Variants in NCAM1 observed in about 807,000 individuals in gnomAD.
The protein encoded by NCAM1 is antigen recognized by monoclonal antibody 5.1H11.
NCAM1 carries 14 observed loss-of-function variants against 109.8 expected under a neutral mutation model. The ratio of observed to expected loss-of-function variants is 0.13; its 90% CI spans 0.08 to 0.20. The LOEUF is 0.20. NCAM1 is among the 10% of genes least tolerant of loss of function. The probability of loss-of-function intolerance (pLI) is 1.00; values close to 1 mark genes in which losing one functional copy is unlikely to be tolerated. For missense variants in NCAM1, 774 were observed against 1,109.9 expected (o/e 0.70, Z 4.30); for synonymous variants, 418 against 442.9 (o/e 0.94, Z 0.70).
intron 17 of NCAM1, chr11:113,265,340 G>A (rs543868992): frequency 1.1e-5 from 3 of 261,824 alleles, no homozygotes; most frequent in South Asian, 2.8e-4. Context: ...TCTTCCTAAC[G>A]GGGAGCAATC....
chr11:113,176,344 C>T (rs1232982790), intron 1 of NCAM1, among the ~76,000 whole-genome samples: 1 of 152,144 alleles, frequency 6.6e-6, no homozygotes, highest in African/African-American at 2.4e-5. Flanking sequence ...GTAAAGATGG[C>T]TTATGTTACT....
At chr11:113,108,151 A>AT (rs1165652410) in intron 1 of NCAM1, among the ~76,000 whole-genome samples, 2 of 151,972 alleles carry the variant, frequency 1.3e-5, no homozygotes, top group South Asian at 2.1e-4. Flanking sequence ...GGCTTGAGGA[A>AT]TTTTTTTTAT....
chr11:112,968,706 A>C (rs1415090660), intron 1 of NCAM1, among the ~76,000 whole-genome samples: 2 of 152,220 alleles, frequency 1.3e-5, no homozygotes, highest in African/African-American at 4.8e-5. Context: ...TTCAAGTCTA[A>C]GAAAAACCCA....
intron 1 of NCAM1, among the ~76,000 whole-genome samples, chr11:113,111,879 G>C (rs1940460393): frequency 6.6e-6 from 1 of 152,132 alleles, no homozygotes; most frequent in African/African-American, 2.4e-5. Context: ...AAATGAGCAT[G>C]ATTATTTGAA....
intron 5 of NCAM1, 62 bp from the exon 6 acceptor site, chr11:113,207,199 T>C (rs1555112978): frequency 5.1e-6 from 7 of 1,366,220 alleles, no homozygotes; most frequent in Non-Finnish European, 7.3e-6. Flanking sequence ...GTGTCTCTTC[T>C]CCAGGCCATT....
At chr11:113,241,264 G>T (rs1945317518) in intron 14 of NCAM1, among the ~76,000 whole-genome samples, 1 of 152,210 alleles carries the variant, frequency 6.6e-6, no homozygotes, top group Non-Finnish European at 1.5e-5. Context: ...GTTGGATACA[G>T]ACATTGAAAT....
intron 1 of NCAM1, among the ~76,000 whole-genome samples, chr11:113,177,045 T>C (rs1943173941): frequency 6.6e-6 from 1 of 152,242 alleles, no homozygotes; most frequent in Admixed American, 6.5e-5. Flanking sequence ...AACTCCTCCA[T>C]AGACTTTCTT....
intron 1 of NCAM1, among the ~76,000 whole-genome samples, chr11:113,015,119 T>C (rs1319918719): frequency 6.6e-6 from 1 of 152,250 alleles, no homozygotes; most frequent in Non-Finnish European, 1.5e-5. Flanking sequence ...TTACTCCCTC[T>C]TATCCTTACA....
At chr11:113,234,313 C>G (rs1296143736) in intron 13 of NCAM1, among the ~76,000 whole-genome samples, 3 of 150,570 alleles carry the variant, frequency 2.0e-5, no homozygotes, top group Non-Finnish European at 2.9e-5. Flanking sequence ...ATATACATAA[C>G]ATACATTTTA....
At position 113,157,913 on chromosome 11, in the gene NCAM1, T is replaced by C. The variant is rs546838472; in HGVS notation, c.53-44466T>C. ...AAGAAAATCCAGCCTCACACAGATATGTAGGGAGGAATATTTTAATAGCCG... is the reference window on the plus strand; with the variant it reads ...AAGAAAATCCAGCCTCACACAGATACGTAGGGAGGAATATTTTAATAGCCG... On this transcript the variant is annotated intron_variant, in intron 1 of 19. Transcript: ENST00000316851. Among the ~76,000 whole-genome samples the C allele has an allele frequency of 1.1e-3, 169 of 152,200 alleles. 1 individual carries two copies. Among genetic ancestry groups the C allele is most frequent in the South Asian group, 8.7e-3 (42 of 4,816 alleles).
At chr11:113,169,609 CTT>C (rs1241196778) in intron 1 of NCAM1, among the ~76,000 whole-genome samples, 1 of 142,980 alleles carries the variant, frequency 7.0e-6, no homozygotes, top group Non-Finnish European at 1.5e-5. Context: ...GGATGGGAGA[CTT>C]TTCAGAGTTG....
In NCAM1 at chr11:112,980,755, A is replaced by G. The variant is rs925524976; in HGVS notation, c.52+19091A>G. 3.3e-5 allele frequency among the ~76,000 whole-genome samples: 5 copies of G among 151,908 alleles called. No homozygotes were observed. The South Asian group carries it at 6.2e-4, about 19-fold the overall frequency. ...ACCCAATATGTAGTCTTTTATCCCT[A>G]TGAAGGTTTATTTTAATCCTAGCAC... On this transcript the variant is annotated intron_variant, in intron 1 of 19. Transcript: ENST00000316851.
chr11:113,145,701 C>T (rs10891514), intron 1 of NCAM1, among the ~76,000 whole-genome samples: 18,621 of 152,088 alleles, frequency 0.12, 1,256 homozygotes, highest in East Asian at 0.26. Flanking sequence ...ATGTGTGTGT[C>T]AATTGAGGTC....
chr11:113,233,106 A>C lies in NCAM1; in HGVS notation c.1523-41A>C. The stretch of plus-strand genomic sequence containing the variant: ...ACTGAGAGTTAATGGTCTTGGGCCA[A>C]ACTGGGCTCACCTGAGTCTCCATAT... On this transcript the variant is annotated intron_variant, in intron 12 of 19. Transcript: ENST00000316851. This position sits in a 1 kb window ranked among gnomAD's most constrained non-coding sequence, Gnocchi z 4.5. The C allele has an allele frequency of 6.3e-7, 1 of 1,588,916 alleles. No individual in the cohort carries two copies. Among genetic ancestry groups the C allele is most frequent in the Non-Finnish European group, 8.6e-7 (1 of 1,166,794 alleles).
At chr11:113,185,068 T>TTATATTTATATATATATATATA (rs1555108652) in intron 1 of NCAM1, among the ~76,000 whole-genome samples, 5 of 99,660 alleles carry the variant, frequency 5.0e-5, no homozygotes, top group African/African-American at 2.1e-4. Flanking sequence ...GCATTTATAT[T>TTATATTTATATATATATATATA]TATATATATA....
intron 1 of NCAM1, among the ~76,000 whole-genome samples, chr11:113,178,841 C>T (rs1445960380): frequency 1.3e-5 from 2 of 152,170 alleles, no homozygotes; most frequent in East Asian, 1.9e-4. Flanking sequence ...GGCCAACATT[C>T]GAAGAGTCCG....
rs185582107 is a variant in NCAM1 at position 113,095,427 on chromosome 11, T to C, written c.53-106952T>C. Among the ~76,000 whole-genome samples the C allele has an allele frequency of 2.8e-4, 43 of 152,320 alleles. 1 individual carries two copies. Among genetic ancestry groups the C allele is most frequent in the Admixed American group, 2.7e-3 (41 of 15,300 alleles). ...TCGATAATCAGTGGTTAATCAGTGCTGAGCAAATGAATAGCTACACAGTCC... is the reference window on the plus strand; with the variant it reads ...TCGATAATCAGTGGTTAATCAGTGCCGAGCAAATGAATAGCTACACAGTCC... On this transcript the variant is annotated intron_variant, in intron 1 of 19. Transcript: ENST00000316851.
rs1420010128 is a variant in NCAM1 at position 113,207,442 on chromosome 11, T to C, written c.746+64T>C. 9.1e-6 allele frequency: 12 copies of C among 1,322,126 alleles called. No individual in the cohort carries two copies. The East Asian group carries it at 2.8e-4, about 31-fold the overall frequency. The allele number at this position is 1,322,126 out of a possible 1,614,324, so 81.9% of individuals were successfully genotyped here. A position where few individuals can be genotyped will look rare whatever the true frequency, so the allele number is the denominator to read the frequency against. On this transcript the variant is annotated intron_variant, in intron 6 of 19. Coordinates refer to ENST00000316851, the MANE Select transcript of NCAM1 (RefSeq NM_181351.5). Reference sequence around the variant, plus strand: ...GAGAATGGGGCATCACAAAGTCTGCTCCATGTTAGTGTCTGCGTGGAATGG... The same window carrying C: ...GAGAATGGGGCATCACAAAGTCTGCCCCATGTTAGTGTCTGCGTGGAATGG...
intron 1 of NCAM1, among the ~76,000 whole-genome samples, chr11:113,054,620 G>T (rs2135429399): frequency 6.6e-6 from 1 of 152,322 alleles, no homozygotes; most frequent in East Asian, 1.9e-4. Flanking sequence ...CCTGAGAGAG[G>T]CTGTTTTCAC....
Sources: gnomAD v4.1 joint callset for allele counts (sites outside exome capture counted in the v4.1 genomes callset) on GRCh38, gnomAD v4.1.1 for gene constraint, Gnocchi (gnomAD v3.1) non-coding constraint, MANE v1.5 for transcripts, NCBI Gene and HGNC (gene_info 2026-07-23, HGNC 2026-07-21) for gene names.